The following MAD1L1 variants were observed in gnomAD, a reference collection of about 807,000 sequenced individuals.
The protein encoded by MAD1L1 is mitotic spindle assembly checkpoint protein MAD1.
MAD1L1 carries 95 observed loss-of-function variants against 96.9 expected under a neutral mutation model. The ratio of observed to expected loss-of-function variants is 0.98; its 90% CI spans 0.83 to 1.16. The LOEUF (loss-of-function observed/expected upper bound fraction) is 1.16. Ranked by LOEUF, MAD1L1 falls within the 50% of genes most tolerant of loss-of-function variation. The pLI is 0.00. For missense variants in MAD1L1, 1,007 were observed against 954.4 expected, an observed-to-expected ratio of 1.06 and a Z score of -0.73; for synonymous variants, 473 against 396.6, an observed-to-expected ratio of 1.19 and a Z score of -2.29.
intron 13 of MAD1L1, among the ~76,000 whole-genome samples, chr7:2,002,774 A>G (rs934639340): frequency 6.6e-6 from 1 of 152,234 alleles, no homozygotes; most frequent in Non-Finnish European, 1.5e-5. Context: ...TTGTGGGGCC[A>G]GGATGTCAGC....
At chr7:1,974,820 G>A (rs926380408) in intron 15 of MAD1L1, among the ~76,000 whole-genome samples, 5 of 152,382 alleles carry the variant, frequency 3.3e-5, no homozygotes, top group South Asian at 2.1e-4. Context: ...AGCAGGCCCC[G>A]GCCAGAGTGT....
intron 18 of MAD1L1, among the ~76,000 whole-genome samples, chr7:1,880,363 G>T (rs1785615695): frequency 6.6e-6 from 1 of 152,136 alleles, no homozygotes; most frequent in African/African-American, 2.4e-5. Flanking sequence ...CAGAAACTGA[G>T]GCTGTCCTGG....
intron 12 of MAD1L1, among the ~76,000 whole-genome samples, chr7:2,036,983 C>A (rs531186405): frequency 1.3e-5 from 2 of 152,102 alleles, no homozygotes; most frequent in African/African-American, 2.4e-5. Context: ...CAGCTCCCCC[C>A]ACAGCACGAG....
intron 14 of MAD1L1, among the ~76,000 whole-genome samples, chr7:1,989,356 C>T (rs905239553): frequency 2.6e-5 from 4 of 152,242 alleles, no homozygotes; most frequent in African/African-American, 7.2e-5. Context: ...AGAGGTTTAT[C>T]AATTTTATCT....
chr7:2,183,857 CA>C (rs1791324505), intron 10 of MAD1L1, among the ~76,000 whole-genome samples: 1 of 151,856 alleles, frequency 6.6e-6, no homozygotes, highest in Admixed American at 6.6e-5. Context: ...ACATATGTAA[CA>C]AACCTGCACG....
At chr7:2,019,936 A>G (rs1782712185) in intron 12 of MAD1L1, among the ~76,000 whole-genome samples, 1 of 152,104 alleles carries the variant, frequency 6.6e-6, no homozygotes, top group Non-Finnish European at 1.5e-5. Context: ...GTTTTCAAGT[A>G]TGATTCACTC....
intron 18 of MAD1L1, among the ~76,000 whole-genome samples, chr7:1,832,545 A>G (rs970702019): frequency 2.2e-5 from 3 of 137,148 alleles, no homozygotes; most frequent in Non-Finnish European, 3.1e-5. Context: ...ATGGTTTTAG[A>G]GAGCATTGCA....
intron 12 of MAD1L1, among the ~76,000 whole-genome samples, chr7:2,021,570 T>C (rs922889455): frequency 6.6e-6 from 1 of 151,970 alleles, no homozygotes; most frequent in African/African-American, 2.4e-5. Context: ...TTTGAGACCA[T>C]CCTGGACAAT....
At chr7:2,165,384 T>C (rs1199023361) in intron 10 of MAD1L1, among the ~76,000 whole-genome samples, 1 of 152,118 alleles carries the variant, frequency 6.6e-6, no homozygotes, top group African/African-American at 2.4e-5. Context: ...TCATGACTCA[T>C]CCAACAACAC....
At chr7:1,970,779 T>C (rs966101369) in intron 15 of MAD1L1, among the ~76,000 whole-genome samples, 3 of 152,220 alleles carry the variant, frequency 2.0e-5, no homozygotes, top group African/African-American at 7.2e-5. Flanking sequence ...TTGTAGATCA[T>C]TGCTGGCATT....
intron 10 of MAD1L1, among the ~76,000 whole-genome samples, chr7:2,196,524 T>G (rs554295897): frequency 7.7e-4 from 117 of 152,378 alleles, no homozygotes; most frequent in African/African-American, 2.7e-3. Context: ...GCTGTCTGTG[T>G]GTGTGCACTA....
At chr7:2,160,623 G>A (rs993479824) in intron 10 of MAD1L1, among the ~76,000 whole-genome samples, 2 of 151,420 alleles carry the variant, frequency 1.3e-5, no homozygotes, top group Non-Finnish European at 2.9e-5. Context: ...GTGAGCCACC[G>A]CCCCCGGCCT....
chr7:2,229,845 T>C (rs974494640), intron 3 of MAD1L1, 139 bp downstream of exon 3: 4 of 917,344 alleles, frequency 4.4e-6, no homozygotes, highest in Admixed American at 2.7e-5. Flanking sequence ...GGAGTGCCCA[T>C]AGTGAGACCT....
chr7:1,877,195 C>G (rs1369730105), intron 18 of MAD1L1, among the ~76,000 whole-genome samples: 1 of 152,070 alleles, frequency 6.6e-6, no homozygotes, highest in Non-Finnish European at 1.5e-5. Flanking sequence ...CAAACTCCAA[C>G]CCATGGGCCA....
chr7:2,067,621 C>T (rs1286065695), intron 12 of MAD1L1, among the ~76,000 whole-genome samples: 1 of 152,064 alleles, frequency 6.6e-6, no homozygotes, highest in Non-Finnish European at 1.5e-5. Flanking sequence ...GTGGTCAGCC[C>T]GAACCACCGC....
At position 2,081,598 on chromosome 7, in the gene MAD1L1, A is replaced by AC. The variant is rs1198725948; in HGVS notation, c.1074-12261dup. ...ACTGCAGCCCAGGACACCATCATGCACCCCTTCACTCCCTCGACCAGCCAG... is the reference window on the plus strand; with the variant it reads ...ACTGCAGCCCAGGACACCATCATGCACCCCCTTCACTCCCTCGACCAGCCAG... On this transcript the variant is annotated intron_variant, in intron 11 of 18. Coordinates refer to ENST00000265854, the MANE Select transcript of MAD1L1 (RefSeq NM_001013836.2). Among the ~76,000 whole-genome samples the AC allele has an allele frequency of 3.9e-5, 6 of 151,952 alleles. No individual in the cohort carries two copies. In the South Asian group the frequency reaches 6.2e-4, roughly 16 times the overall value.
chr7:1,903,687 C>A (rs1444189034), intron 17 of MAD1L1, among the ~76,000 whole-genome samples: 1 of 142,316 alleles, frequency 7.0e-6, no homozygotes, highest in African/African-American at 2.8e-5. Context: ...GACGCTCTTG[C>A]GGAACTCATG....
intron 11 of MAD1L1, among the ~76,000 whole-genome samples, chr7:2,110,373 C>T (rs1383693691): frequency 1.3e-5 from 2 of 152,222 alleles, no homozygotes; most frequent in African/African-American, 4.8e-5. Context: ...CTTGGCGCCT[C>T]GAGGTCCCGG....
At chr7:2,149,462 C>T (rs949010183) in intron 10 of MAD1L1, among the ~76,000 whole-genome samples, 1 of 152,136 alleles carries the variant, frequency 6.6e-6, no homozygotes, top group African/African-American at 2.4e-5. Flanking sequence ...CCTTAGAAAG[C>T]CCCGATTTTA....
Sources: gnomAD v4.1 joint callset for allele counts (sites outside exome capture counted in the v4.1 genomes callset) on GRCh38, gnomAD v4.1.1 for gene constraint, MANE v1.5 for transcripts, NCBI Gene and HGNC (gene_info 2026-07-23, HGNC 2026-07-21) for gene names.